The following MYO5B variants were observed in gnomAD, a reference collection of about 807,000 sequenced individuals.
MYO5B encodes the protein unconventional myosin-Vb.
MYO5B carries 143 observed loss-of-function variants against 229.3 expected under a neutral mutation model. The observed-to-expected ratio is 0.62, with a 90% confidence interval of 0.54 to 0.72. The LOEUF is 0.72. MYO5B is among the 30% of genes least tolerant of loss of function. The pLI is 0.00. For synonymous variants in MYO5B, 918 were observed against 885.2 expected, an observed-to-expected ratio of 1.04 and a Z score of -0.66; for missense variants, 2,321 against 2,331.0, an observed-to-expected ratio of 1.00 and a Z score of 0.09.
chr18:50,001,415 G>T lies in MYO5B; in HGVS notation c.456-4C>A, dbSNP rs931582434. On this transcript the variant is annotated splice_polypyrimidine_tract_variant and splice_region_variant and intron_variant, in intron 4 of 39. Transcript: ENST00000285039. ...GATGGACTGATTCTTCTCATCTCTG[G>T]AAGGAAAAAAGCTCTGATAAGTCAT... 2 of 1,613,898 alleles carry T rather than the reference G, an allele frequency of 1.2e-6. No homozygotes were observed. Among genetic ancestry groups the T allele is most frequent in the African/African-American group, 2.7e-5 (2 of 74,916 alleles).
At chr18:50,179,363 G>T (rs2033041429) in intron 1 of MYO5B, among the ~76,000 whole-genome samples, 1 of 152,174 alleles carries the variant, frequency 6.6e-6, no homozygotes, top group Admixed American at 6.5e-5. Flanking sequence ...CTCCAGTTTT[G>T]ATGGAAACAT....
At chr18:49,984,909 T>C (rs977055834) in intron 7 of MYO5B, 84 bp from the exon 8 acceptor site, 2 of 975,444 alleles carry the variant, frequency 2.1e-6, no homozygotes, top group African/African-American at 3.2e-5. Context: ...TCTACTCCGT[T>C]AGCATGCTAT....
chr18:49,837,732 G>A lies in MYO5B; in HGVS notation c.4923C>T (p.Arg1641=), dbSNP rs1238229355. 3 of 1,614,110 alleles carry A rather than the reference G, an allele frequency of 1.9e-6. No homozygotes were observed. The African/African-American group carries it at 4.0e-5, about 22-fold the overall frequency. The change falls in exon 37 of 40, where the codon CGC becomes CGT. Residue 1641 remains arginine, a synonymous_variant. Transcript: ENST00000285039. The part of the protein sequence containing the change: ...SGVKPTGYRK[R]SSSMADGDNS... ...TATCCCCATCTGCCATGCTGGAGGA[G>A]CGCTTCCGGTAGCCGGTGGGCTTCA...
At position 49,826,361 on chromosome 18, in the gene MYO5B, CT is replaced by C. The variant is rs34922262; in HGVS notation, c.*109del. 98,063 of 1,360,638 alleles carry C rather than the reference CT, an allele frequency of 0.072. 7,466 individuals carry two copies. The highest frequency in any genetic ancestry group is 0.35 in the East Asian group (14,023 of 40,130). 84.3% of individuals were successfully genotyped at this position (1,360,638 alleles called of 1,614,324 possible). A position where few individuals can be genotyped will look rare whatever the true frequency, so the allele number is the denominator to read the frequency against. ...AGCACCCTCCACAGGCTGTCAATCTCTGATTTGATCTACTTTTACCAGATTT... is the reference window on the plus strand; with the variant it reads ...AGCACCCTCCACAGGCTGTCAATCTCGATTTGATCTACTTTTACCAGATTT... On this transcript the variant is annotated 3_prime_UTR_variant, in exon 40 of 40. Coordinates refer to ENST00000285039, the MANE Select transcript of MYO5B (RefSeq NM_001080467.3).
intron 10 of MYO5B, among the ~76,000 whole-genome samples, chr18:49,966,424 T>C (rs2025626497): frequency 6.6e-6 from 1 of 152,192 alleles, no homozygotes; most frequent in African/African-American, 2.4e-5. Flanking sequence ...CTGCCTTGAA[T>C]TGGGGCCCTT....
In MYO5B at chr18:50,040,174, G is replaced by T. The variant is rs2144390099; in HGVS notation, c.279C>A (p.Phe93Leu). 1 of 1,613,206 alleles carries T rather than the reference G, an allele frequency of 6.2e-7. No individual in the cohort carries two copies. Among genetic ancestry groups the T allele is most frequent in the Non-Finnish European group, 8.5e-7 (1 of 1,179,718 alleles). Residue 93 changes from phenylalanine to leucine, a missense_variant, in exon 3 of 40, where the codon TTC (phenylalanine) becomes TTA (leucine). Around this residue, in one of 2 missense-constraint regions of MYO5B, gnomAD observed 2,113 missense variants for 2,044.7 expected, o/e 1.03. Coordinates refer to ENST00000285039, the MANE Select transcript of MYO5B (RefSeq NM_001080467.3). ...AAGTGTAGATATGGTTGGACTCCAG[G>T]AAACGGACCTTCAAATTATGCAAAA... is the stretch of plus-strand genomic sequence containing the variant. ...PAVLHNLKVR[F>L]LESNHIYTYC...
intron 1 of MYO5B, among the ~76,000 whole-genome samples, chr18:50,079,378 C>T (rs951165030): frequency 1.3e-5 from 2 of 152,174 alleles, no homozygotes; most frequent in East Asian, 1.9e-4. Flanking sequence ...CTCCACAGAA[C>T]GCTGTCCCAC....
chr18:49,912,175 T>A lies in MYO5B; in HGVS notation c.2091-2A>T. 6.2e-7 allele frequency: 1 copy of A among 1,613,192 alleles called. No individual in the cohort carries two copies. Among genetic ancestry groups the A allele is most frequent in the Non-Finnish European group, 8.5e-7 (1 of 1,179,444 alleles). ...TTGAAAAAGTCATGGTAGGCCCACC[T>A]GGAGGGAAAGCAAAGGGGCATCAGG... On this transcript the variant is annotated splice_acceptor_variant, in intron 17 of 39. Transcript: ENST00000285039. LOFTEE classifies it high-confidence loss of function.
rs981896430 is a variant in MYO5B at position 49,880,378 on chromosome 18, C to G, written c.3123G>C (p.Gln1041His). The change falls in exon 23 of 40, where the codon CAG becomes CAC. Residue 1041 changes from glutamine (Q) to histidine (H), a missense_variant. Physicochemically the swap from Gln to His is conservative, Grantham distance 24 (BLOSUM62 0). Around this residue, in one of 2 missense-constraint regions of MYO5B, gnomAD observed 2,113 missense variants for 2,044.7 expected, o/e 1.03. Transcript: ENST00000285039. The part of the protein sequence containing the change: ...KEQLNNQILC[Q>H]SKDEFAQNSV... ...AAGTGCTTTGGTACTTACCTTTAGA[C>G]TGGCACAGGATTTGGTTGTTGAGCT... 3 of 1,613,858 alleles carry G rather than the reference C, an allele frequency of 1.9e-6. No individual in the cohort carries two copies. The highest frequency in any genetic ancestry group is 2.2e-5 in the East Asian group (1 of 44,870).
intron 1 of MYO5B, among the ~76,000 whole-genome samples, chr18:50,104,221 G>C (rs900188945): frequency 7.1e-6 from 1 of 140,646 alleles, no homozygotes; most frequent in African/African-American, 2.6e-5. Flanking sequence ...ACAACTTTAA[G>C]GTGTCTTTGG....
intron 4 of MYO5B, among the ~76,000 whole-genome samples, chr18:50,022,870 G>C (rs2026291912): frequency 6.6e-6 from 1 of 152,092 alleles, no homozygotes; most frequent in Non-Finnish European, 1.5e-5. Context: ...ACAGGTTTAA[G>C]GGAATCCCCG....
At chr18:50,013,712 A>G (rs1037806163) in intron 4 of MYO5B, among the ~76,000 whole-genome samples, 7 of 152,228 alleles carry the variant, frequency 4.6e-5, no homozygotes, top group Admixed American at 6.5e-5. Flanking sequence ...ACTCACAATC[A>G]TTATCCATTC....
At chr18:50,047,616 T>G (rs568810512) in intron 2 of MYO5B, among the ~76,000 whole-genome samples, 3 of 152,186 alleles carry the variant, frequency 2.0e-5, no homozygotes, top group Admixed American at 1.3e-4. Flanking sequence ...TTATAAATCA[T>G]GCTGCTATAA....
chr18:50,085,655 G>A (rs567142954), intron 1 of MYO5B, among the ~76,000 whole-genome samples: 1 of 152,228 alleles, frequency 6.6e-6, no homozygotes, highest in South Asian at 2.1e-4. Flanking sequence ...GCAAAGACTT[G>A]GAACCAACCC....
chr18:49,974,458 G>A lies in MYO5B; in HGVS notation c.1214C>T (p.Ala405Val), dbSNP rs745968678. 19 of 1,614,040 alleles carry A rather than the reference G, an allele frequency of 1.2e-5. No homozygotes were observed. The highest frequency in any genetic ancestry group is 4.0e-5 in the African/African-American group (3 of 74,914). ...GAACAACTGGGCATAGATGTGCTTC[G>A]CCAGGGCGTTGCGCGCATTGATCAC... ...QQVINARNAL[A>V]KHIYAQLFGW... Residue 405 changes from alanine (A) to valine (V), a missense_variant, in exon 10 of 40, where the codon GCG becomes GTG. Physicochemically the swap from Ala to Val is moderately conservative, Grantham distance 64. Around this residue, in one of 2 missense-constraint regions of MYO5B, gnomAD observed 2,113 missense variants for 2,044.7 expected, o/e 1.03. Transcript: ENST00000285039.
At position 50,093,860 on chromosome 18, in the gene MYO5B, T is replaced by C. The variant is rs143455711; in HGVS notation, c.28-38482A>G. On this transcript the variant is annotated intron_variant, in intron 1 of 39. Transcript: ENST00000285039. ...GGCAACTTCAGGGAGTTACCCTATA[T>C]GGTCTAAAAAGGGGATGAACCCTCT... Among the ~76,000 whole-genome samples the C allele has an allele frequency of 6.8e-4, 103 of 152,232 alleles. 3 individuals are homozygous for C. In the East Asian group the frequency reaches 0.02, roughly 29 times the overall value.
At chr18:49,907,516 T>A (rs2024912766) in intron 18 of MYO5B, among the ~76,000 whole-genome samples, 3 of 152,140 alleles carry the variant, frequency 2.0e-5, no homozygotes, top group African/African-American at 7.2e-5. Flanking sequence ...GAGTAACCCA[T>A]GATGACAGAG....
intron 2 of MYO5B, among the ~76,000 whole-genome samples, chr18:50,043,626 A>G (rs1447196162): frequency 1.5e-5 from 2 of 135,398 alleles, no homozygotes; most frequent in African/African-American, 2.8e-5. Flanking sequence ...ATATAAATAT[A>G]TAAATATATT....
intron 34 of MYO5B, among the ~76,000 whole-genome samples, chr18:49,842,095 G>GAAA (rs1178864496): frequency 3.1e-5 from 3 of 96,870 alleles, no homozygotes; most frequent in East Asian, 5.7e-4. Flanking sequence ...ACGACCAAAA[G>GAAA]AAAAAAAAAA....
Sources: allele counts gnomAD v4.1 joint callset (sites outside exome capture counted in the v4.1 genomes callset), GRCh38; gene constraint gnomAD v4.1.1; regional missense constraint gnomAD v4.1.1; transcripts MANE v1.5; gene names NCBI Gene and HGNC (gene_info 2026-07-23, HGNC 2026-07-21).